The following TBC1D30 variants were observed in gnomAD, a reference collection of about 807,000 sequenced individuals.
The protein encoded by TBC1D30 is TBC1 domain family, member 30.
Under a neutral mutation model 63.2 loss-of-function variants are expected in TBC1D30, and 31 were observed. The ratio of observed to expected loss-of-function variants is 0.49; its 90% CI spans 0.37 to 0.66. TBC1D30 has a LOEUF of 0.66. Among genes scored for constraint, TBC1D30 ranks in the 30% least tolerant of loss-of-function variants. The pLI, the probability that TBC1D30 is intolerant of heterozygous loss-of-function variation, is 0.00. For missense variants in TBC1D30, 810 were observed against 953.6 expected (o/e 0.85, Z 1.98); for synonymous variants, 307 against 361.5 (o/e 0.85, Z 1.71).
intron 1 of TBC1D30, among the ~76,000 whole-genome samples, chr12:64,763,798 A>G (rs1451729054): frequency 6.6e-6 from 1 of 151,890 alleles, no homozygotes; most frequent in South Asian, 2.1e-4. Context: ...TAGTAGAGAC[A>G]GTGTTTCACC....
intron 1 of TBC1D30, among the ~76,000 whole-genome samples, chr12:64,785,625 A>C (rs1484938923): frequency 3.3e-5 from 5 of 152,204 alleles, no homozygotes; most frequent in African/African-American, 1.2e-4. Context: ...TGGTAAAAGT[A>C]GGAGTTTTTG....
At chr12:64,864,833 A>G in intron 9 of TBC1D30, 53 bp downstream of exon 9, 2 of 1,229,326 alleles carry the variant, frequency 1.6e-6, no homozygotes, top group South Asian at 2.7e-5. Flanking sequence ...TAATATCTTA[A>G]TTTGTTATTG....
chr12:64,870,247 A>G (rs1352797429), intron 10 of TBC1D30, among the ~76,000 whole-genome samples: 2 of 152,180 alleles, frequency 1.3e-5, no homozygotes, highest in Admixed American at 6.5e-5. Context: ...AAATCTGTAC[A>G]GTGATTTTAG....
intron 1 of TBC1D30, among the ~76,000 whole-genome samples, chr12:64,785,147 CTTT>C (rs3033154): frequency 1.6e-4 from 22 of 134,878 alleles, no homozygotes; most frequent in African/African-American, 4.5e-4. Context: ...ACTTTAAAGA[CTTT>C]TTTTTTTTTT....
At chr12:64,763,046 C>A (rs1870574911) in intron 1 of TBC1D30, among the ~76,000 whole-genome samples, 1 of 152,152 alleles carries the variant, frequency 6.6e-6, no homozygotes. Flanking sequence ...ACCTCCACGT[C>A]CCAGGTTCAA....
intron 1 of TBC1D30, among the ~76,000 whole-genome samples, chr12:64,825,750 G>T (rs1249979457): frequency 2.0e-5 from 3 of 152,208 alleles, no homozygotes; most frequent in Admixed American, 6.5e-5. Context: ...TGGCCCTAGC[G>T]CGGGCTCCTG....
exon 1 of TBC1D30, chr12:64,781,259 C>T (rs1871269031): frequency 8.6e-7 from 1 of 1,156,266 alleles, no homozygotes; most frequent in Non-Finnish European, 1.1e-6. Flanking sequence ...GAGCCAGCGG[C>T]ATCAGATGCT....
intron 5 of TBC1D30, among the ~76,000 whole-genome samples, chr12:64,833,726 AT>A (rs1875078725): frequency 6.6e-6 from 1 of 152,234 alleles, no homozygotes; most frequent in South Asian, 2.1e-4. Flanking sequence ...CCATTGATGT[AT>A]TTAAGGAAGC....
At chr12:64,853,271 G>T (rs562223366) in intron 8 of TBC1D30, among the ~76,000 whole-genome samples, 3 of 152,146 alleles carry the variant, frequency 2.0e-5, no homozygotes, top group African/African-American at 7.2e-5. Flanking sequence ...GAACTTCCTG[G>T]CAGCTTTCTT....
chr12:64,772,820 C>G (rs1404875704), intron 1 of TBC1D30, among the ~76,000 whole-genome samples: 1 of 152,144 alleles, frequency 6.6e-6, no homozygotes, highest in African/African-American at 2.4e-5. Context: ...AAAAGAAAAT[C>G]ACTTTAATAC....
intron 7 of TBC1D30, among the ~76,000 whole-genome samples, chr12:64,842,163 G>A (rs1875935249): frequency 6.6e-6 from 1 of 152,106 alleles, no homozygotes. Context: ...TTTGAGACCA[G>A]CCTGGCCAAC....
At chr12:64,797,807 C>T (rs1872370090) in intron 2 of TBC1D30, among the ~76,000 whole-genome samples, 3 of 152,160 alleles carry the variant, frequency 2.0e-5, no homozygotes. Flanking sequence ...AACTGTTCAG[C>T]TCTTCTGGGG....
chr12:64,857,357 G>T (rs2136440418), intron 8 of TBC1D30, among the ~76,000 whole-genome samples: 1 of 152,172 alleles, frequency 6.6e-6, no homozygotes, highest in East Asian at 1.9e-4. Flanking sequence ...TTCTCTTTTG[G>T]CCCAGGGTGT....
At chr12:64,785,898 A>T (rs1281699645) in exon 2 of TBC1D30, 2 of 1,289,674 alleles carry the variant, frequency 1.6e-6, no homozygotes, top group Non-Finnish European at 2.0e-6. Flanking sequence ...TGAACTGAAG[A>T]CGATCCTTCG....
intron 2 of TBC1D30, among the ~76,000 whole-genome samples, chr12:64,815,581 G>T (rs1018604420): frequency 6.6e-6 from 1 of 152,020 alleles, no homozygotes; most frequent in Non-Finnish European, 1.5e-5. Flanking sequence ...AAATATATCC[G>T]TAGAGAAATC....
chr12:64,790,092 C>T (rs1177967070), intron 2 of TBC1D30, among the ~76,000 whole-genome samples: 1 of 152,164 alleles, frequency 6.6e-6, no homozygotes, highest in Non-Finnish European at 1.5e-5. Flanking sequence ...GAGGGTTCTA[C>T]TTTTTCTTAG....
chr12:64,838,207 A>C (rs925479632), intron 6 of TBC1D30, among the ~76,000 whole-genome samples: 1 of 152,266 alleles, frequency 6.6e-6, no homozygotes, highest in Middle Eastern at 3.4e-3. Flanking sequence ...AATGATTTCT[A>C]GTTTAACTCC....
In TBC1D30 at chr12:64,832,046, C is replaced by CA. The variant is rs546224445; in HGVS notation, c.409-63dup. The CA allele has an allele frequency of 4.4e-3, 5,008 of 1,133,378 alleles. 2 individuals are homozygous for CA. Among genetic ancestry groups the CA allele is most frequent in the South Asian group, 7.1e-3 (341 of 48,368 alleles). 70.2% of individuals were successfully genotyped at this position (1,133,378 alleles called of 1,614,324 possible). A position where few individuals can be genotyped will look rare whatever the true frequency, so the allele number is the denominator to read the frequency against. ...GATGATTTGACTCTGTTTATTGAGTCAAAAAAAAAAGGTATTGTTTTGGAA... is the reference window on the plus strand; with the variant it reads ...GATGATTTGACTCTGTTTATTGAGTCAAAAAAAAAAAGGTATTGTTTTGGAA... On this transcript the variant is annotated intron_variant, in intron 4 of 11. Coordinates refer to ENST00000539867, the MANE Select transcript of TBC1D30 (RefSeq NM_015279.2).
Position 64,875,040 on chromosome 12 carries a change from A to G in TBC1D30, c.1538A>G (p.Asn513Ser). ...PVTSILPSQV[N>S]SSPVINHLLL... is the part of the protein sequence containing the mutation. ...ACCAGCATTCTCCCGTCTCAGGTAAACAGTTCTCCAGTTATAAACCACCTT... is the reference window on the plus strand; with the variant it reads ...ACCAGCATTCTCCCGTCTCAGGTAAGCAGTTCTCCAGTTATAAACCACCTT... The change falls in exon 12 of 12, where the codon AAC (asparagine) becomes AGC (serine). Residue 513 changes from asparagine to serine, a missense_variant. Asn to Ser is a conservative substitution (Grantham distance 46). Transcript: ENST00000539867. 2 of 1,536,740 alleles carry G rather than the reference A, an allele frequency of 1.3e-6. No homozygotes were observed.
Sources: gnomAD v4.1 joint callset for allele counts (sites outside exome capture counted in the v4.1 genomes callset) on GRCh38, gnomAD v4.1.1 for gene constraint, MANE v1.5 for transcripts, NCBI Gene and HGNC (gene_info 2026-07-23, HGNC 2026-07-21) for gene names.